Variants in FHL2 observed in about 807,000 individuals in gnomAD.
FHL2 encodes four and a half LIM domains 2.
A neutral mutation model predicts 32.7 loss-of-function variants in FHL2; 20 were observed. The ratio of observed to expected loss-of-function variants is 0.61; its 90% CI spans 0.43 to 0.89. The LOEUF is 0.89. Among genes scored for constraint, FHL2 ranks in the 40% least tolerant of loss-of-function variants. The pLI is 0.00. For missense variants in FHL2, 311 were observed against 358.6 expected (o/e 0.87, Z 1.07); for synonymous variants, 123 against 128.1 (o/e 0.96, Z 0.27).
At chr2:105,399,795 G>A (rs1240117508), upstream of FHL2, 4 of 578,562 alleles carry the variant, frequency 6.9e-6, no homozygotes, top group Non-Finnish European at 1.1e-5. Flanking sequence ...CCCTGGGAGA[G>A]GGTGCGTCGT....
chr2:105,358,084 T>C (rs1295452888), downstream of FHL2: 1 of 152,350 alleles, frequency 6.6e-6, no homozygotes, highest in African/African-American at 2.4e-5. Context: ...TGGTTTTCTG[T>C]GTTAAACTTC....
At chr2:105,418,852 A>AT (rs1684014898) in intron 1 of FHL2, among the ~76,000 whole-genome samples, 1 of 152,134 alleles carries the variant, frequency 6.6e-6, no homozygotes, top group South Asian at 2.1e-4. Flanking sequence ...TAATTGTTCT[A>AT]TTTTATTATT....
At chr2:105,359,421 C>G (rs2460258), downstream of FHL2, 1 of 152,216 alleles carries the variant, frequency 6.6e-6, no homozygotes, top group Non-Finnish European at 1.5e-5. Flanking sequence ...ATCAAACATT[C>G]TAACAGTGAC....
intron 3 of FHL2, among the ~76,000 whole-genome samples, chr2:105,377,230 T>G (rs1047972105): frequency 3.3e-5 from 5 of 152,242 alleles, no homozygotes; most frequent in Non-Finnish European, 7.3e-5. Context: ...CTCTGGGGAT[T>G]GGTTGCACAG....
chr2:105,403,257 C>G (rs1408348881), upstream of FHL2, among the ~76,000 whole-genome samples: 1 of 152,304 alleles, frequency 6.6e-6, no homozygotes, highest in East Asian at 1.9e-4. Context: ...AGGTTCAGAT[C>G]CTGTTCAGAT....
intron 3 of FHL2, among the ~76,000 whole-genome samples, chr2:105,385,273 G>T (rs1206197099): frequency 6.6e-6 from 1 of 152,226 alleles, no homozygotes; most frequent in East Asian, 1.9e-4. Context: ...CCTGGGAACA[G>T]AAAGTGATGG....
intron 2 of FHL2, among the ~76,000 whole-genome samples, chr2:105,393,997 G>A (rs184462478): frequency 7.6e-4 from 116 of 152,278 alleles, no homozygotes; most frequent in African/African-American, 2.6e-3. Context: ...TCCCCAACAC[G>A]GGCTCCAGGT....
rs1158063493 is a variant in FHL2 at position 105,367,750 on chromosome 2, G to A, written c.332-11C>T. 3.1e-6 allele frequency: 5 copies of A among 1,611,744 alleles called. No homozygotes were observed. The highest frequency in any genetic ancestry group is 1.3e-5 in the African/African-American group (1 of 74,890). On this transcript the variant is annotated splice_polypyrimidine_tract_variant and intron_variant, in intron 4 of 6. Transcript: ENST00000530340. The stretch of plus-strand genomic sequence containing the variant: ...CCATCTTGCGGGTACCTGTCATCAG[G>A]GTCAAGAGGAACACAGCAGAGTTAT...
intron 1 of FHL2, among the ~76,000 whole-genome samples, chr2:105,407,349 T>A (rs180674810): frequency 6.7e-4 from 93 of 139,176 alleles, no homozygotes; most frequent in Non-Finnish European, 1.3e-3. Context: ...CTGAGATCGC[T>A]CCACTGCACT....
intron 1 of FHL2, among the ~76,000 whole-genome samples, chr2:105,422,793 T>C (rs1684143892): frequency 6.6e-6 from 1 of 152,188 alleles, no homozygotes; most frequent in East Asian, 1.9e-4. Context: ...AGAAAAGGAT[T>C]GTCTGTATCA....
chr2:105,396,570 C>T (rs1476132134), intron 2 of FHL2, 77 bp downstream of exon 2: 115 of 1,322,190 alleles, frequency 8.7e-5, no homozygotes, highest in Non-Finnish European at 1.8e-5. Flanking sequence ...GTCAAGTTGA[C>T]ACATGAAAGT....
intron 3 of FHL2, chr2:105,375,675 T>C (rs1192759444): frequency 6.6e-6 from 1 of 152,216 alleles, no homozygotes; most frequent in Non-Finnish European, 1.5e-5. Context: ...AATGCCCTTG[T>C]TTCTGCGGAA....
At chr2:105,371,188 CCA>C (rs998685296) in intron 4 of FHL2, among the ~76,000 whole-genome samples, 16 of 152,112 alleles carry the variant, frequency 1.1e-4, no homozygotes, top group African/African-American at 3.9e-4. Flanking sequence ...GCTCTGGTAC[CCA>C]GTTGTTTGGT....
chr2:105,397,877 T>G (rs1429232971), intron 1 of FHL2, among the ~76,000 whole-genome samples: 7 of 49,914 alleles, frequency 1.4e-4, no homozygotes, highest in African/African-American at 4.4e-4. Context: ...GTTTTTGTTT[T>G]TTTGTTTTTT....
At chr2:105,412,576 A>G (rs1683824782) in intron 1 of FHL2, among the ~76,000 whole-genome samples, 1 of 152,220 alleles carries the variant, frequency 6.6e-6, no homozygotes, top group Non-Finnish European at 1.5e-5. Context: ...AAACCAGTAG[A>G]GCAAAAGAGC....
intron 1 of FHL2, among the ~76,000 whole-genome samples, chr2:105,428,292 C>A (rs1274572710): frequency 6.6e-6 from 1 of 152,224 alleles, no homozygotes; most frequent in Non-Finnish European, 1.5e-5. Context: ...CATAGCTCAG[C>A]TGACACAGAT....
chr2:105,420,571 G>A (rs111905868), intron 1 of FHL2, among the ~76,000 whole-genome samples: 2,893 of 152,228 alleles, frequency 0.019, 87 homozygotes, highest in African/African-American at 0.066. Flanking sequence ...GTAACATGAG[G>A]AAGAATCTAA....
At chr2:105,419,525 C>G (rs1450051143) in intron 1 of FHL2, among the ~76,000 whole-genome samples, 2 of 152,194 alleles carry the variant, frequency 1.3e-5, no homozygotes, top group East Asian at 3.9e-4. Flanking sequence ...GAGACCAACT[C>G]TTGTCACTGG....
At chr2:105,427,402 C>G (rs1684299007) in intron 1 of FHL2, among the ~76,000 whole-genome samples, 1 of 152,158 alleles carries the variant, frequency 6.6e-6, no homozygotes, top group East Asian at 1.9e-4. Flanking sequence ...TCACCCGGAG[C>G]TTGAAACACT....
Sources: gnomAD v4.1 joint callset for allele counts (sites outside exome capture counted in the v4.1 genomes callset) on GRCh38, gnomAD v4.1.1 for gene constraint, MANE v1.5 for transcripts, NCBI Gene and HGNC (gene_info 2026-07-23, HGNC 2026-07-21) for gene names.